MECOM: variants seen among roughly 807,000 people sequenced by gnomAD.
The protein encoded by MECOM is histone-lysine N-methyltransferase MECOM.
In MECOM, 13 loss-of-function variants were observed where a neutral mutation model predicts 116.3. That is an observed-to-expected ratio of 0.11 (90% confidence interval 0.07 to 0.18). MECOM has a LOEUF of 0.18. Ranked by LOEUF, MECOM falls within the 10% of genes least tolerant of loss-of-function variation. The pLI is 1.00. For missense variants in MECOM, 1,299 were observed against 1,509.0 expected (o/e 0.86, Z 2.31); for synonymous variants, 528 against 535.2 (o/e 0.99, Z 0.19).
intron 2 of MECOM, among the ~76,000 whole-genome samples, chr3:169,311,153 G>A (rs1718693297): frequency 6.6e-6 from 1 of 152,174 alleles, no homozygotes; most frequent in Non-Finnish European, 1.5e-5. Context: ...ACATCAGAGA[G>A]CTTTGAGCAC....
At chr3:169,165,220 G>T (rs2149357134) in intron 2 of MECOM, among the ~76,000 whole-genome samples, 1 of 152,236 alleles carries the variant, frequency 6.6e-6, no homozygotes, top group South Asian at 2.1e-4. Flanking sequence ...TGCACCATTT[G>T]ACAAACATTT....
intron 1 of MECOM, among the ~76,000 whole-genome samples, chr3:169,524,180 G>A (rs1757712053): frequency 2.0e-5 from 3 of 151,806 alleles, no homozygotes; most frequent in South Asian, 4.2e-4. Context: ...TAGCCCAGGT[G>A]GAAGAGAATA....
intron 2 of MECOM, among the ~76,000 whole-genome samples, chr3:169,285,805 G>C (rs1713170109): frequency 6.6e-6 from 1 of 152,114 alleles, no homozygotes; most frequent in Non-Finnish European, 1.5e-5. Flanking sequence ...TTTCCTTGGG[G>C]GAATGCATTC....
At chr3:169,405,817 T>C (rs984505627) in intron 1 of MECOM, among the ~76,000 whole-genome samples, 2 of 152,214 alleles carry the variant, frequency 1.3e-5, no homozygotes, top group Admixed American at 6.5e-5. Flanking sequence ...GTGGTTGTAC[T>C]TCTCAGGAGT....
chr3:169,134,022 T>C (rs1735584924), intron 3 of MECOM: 4 of 1,154,636 alleles, frequency 3.5e-6, no homozygotes, highest in Non-Finnish European at 4.6e-6. Flanking sequence ...TCGGAAATAG[T>C]GAGGTTAAAG....
intron 2 of MECOM, among the ~76,000 whole-genome samples, chr3:169,339,391 C>T (rs1724104612): frequency 6.6e-6 from 1 of 151,980 alleles, no homozygotes; most frequent in Non-Finnish European, 1.5e-5. Context: ...TGGCTCTCTA[C>T]AGCTAAAGTT....
At chr3:169,099,922 C>T (rs911783398) in intron 12 of MECOM, among the ~76,000 whole-genome samples, 2 of 151,810 alleles carry the variant, frequency 1.3e-5, no homozygotes, top group Non-Finnish European at 2.9e-5. Context: ...TGTCATATGA[C>T]TAATTTTGGC....
At chr3:169,166,886 C>T (rs555662461) in intron 2 of MECOM, among the ~76,000 whole-genome samples, 2 of 152,042 alleles carry the variant, frequency 1.3e-5, no homozygotes, top group Non-Finnish European at 2.9e-5. Context: ...GCACTTGGCC[C>T]TTTTTTTATT....
intron 2 of MECOM, among the ~76,000 whole-genome samples, chr3:169,263,707 A>G (rs116092213): frequency 7.9e-5 from 12 of 152,306 alleles, no homozygotes; most frequent in Non-Finnish European, 1.3e-4. Flanking sequence ...AGGTTAATAA[A>G]GATTGGTTAT....
chr3:169,491,322 C>T (rs1317851189), intron 1 of MECOM, among the ~76,000 whole-genome samples: 1 of 152,126 alleles, frequency 6.6e-6, no homozygotes, highest in Admixed American at 6.6e-5. Context: ...ACCAAAAGGC[C>T]TGGAGTTTCC....
intron 2 of MECOM, among the ~76,000 whole-genome samples, chr3:169,186,949 G>T (rs985139831): frequency 2.0e-5 from 3 of 152,176 alleles, no homozygotes; most frequent in Non-Finnish European, 4.4e-5. Context: ...TGATATATTA[G>T]TCACTGGTAG....
At chr3:169,622,917 C>T (rs1324151940) in intron 1 of MECOM, among the ~76,000 whole-genome samples, 24 of 152,134 alleles carry the variant, frequency 1.6e-4, no homozygotes, top group Non-Finnish European at 1.5e-5. Flanking sequence ...CAATCTTTTC[C>T]CAACTCAGCT....
chr3:169,131,314 A>C, intron 4 of MECOM, 115 bp downstream of exon 4: 1 of 889,528 alleles, frequency 1.1e-6, no homozygotes. Context: ...ACTTGTTGAA[A>C]CTGACATTGA....
intron 1 of MECOM, among the ~76,000 whole-genome samples, chr3:169,513,597 C>T (rs908657752): frequency 5.3e-5 from 8 of 151,800 alleles, no homozygotes; most frequent in Admixed American, 1.3e-4. Context: ...ATAAATGCAG[C>T]GGGTAGAGGT....
chr3:169,502,953 A>C (rs1754711744), intron 1 of MECOM, among the ~76,000 whole-genome samples: 1 of 152,150 alleles, frequency 6.6e-6, no homozygotes, highest in South Asian at 2.1e-4. Flanking sequence ...GATGCCATAT[A>C]AAAGAAAGCA....
chr3:169,610,188 C>T (rs952782894), intron 1 of MECOM, among the ~76,000 whole-genome samples: 6 of 152,046 alleles, frequency 3.9e-5, no homozygotes, highest in Non-Finnish European at 8.8e-5. Flanking sequence ...ACCCTAGTTC[C>T]AAGCCCTGAA....
chr3:169,090,428 AT>A lies in MECOM; in HGVS notation c.3165-193del, dbSNP rs200921549. ...CACAAATGGGAAGATAAAGAAAAAA[AT>A]AATTGTATGATTGTTCAGATTATAA... On this transcript the variant is annotated intron_variant, in intron 14 of 16. Coordinates refer to ENST00000651503, the MANE Select transcript of MECOM (RefSeq NM_004991.4). Among the ~76,000 whole-genome samples the A allele has an allele frequency of 5.3e-3, 805 of 152,254 alleles. 8 individuals are homozygous for A. The highest frequency in any genetic ancestry group is 0.018 in the African/African-American group (763 of 41,562).
chr3:169,338,469 G>A (rs1054859289), intron 2 of MECOM, among the ~76,000 whole-genome samples: 9 of 152,148 alleles, frequency 5.9e-5, no homozygotes, highest in Admixed American at 1.3e-4. Context: ...GCACCTCACA[G>A]AAACCCACTG....
At chr3:169,514,511 A>G (rs985799687) in intron 1 of MECOM, among the ~76,000 whole-genome samples, 12 of 152,336 alleles carry the variant, frequency 7.9e-5, no homozygotes, top group African/African-American at 2.9e-4. Context: ...CTAAAAAGGA[A>G]TCAAGGTGAA....
Sources: allele counts gnomAD v4.1 joint callset (sites outside exome capture counted in the v4.1 genomes callset), GRCh38; gene constraint gnomAD v4.1.1; transcripts MANE v1.5; gene names NCBI Gene and HGNC (gene_info 2026-07-23, HGNC 2026-07-21).